The following PCDHA12 variants were observed in gnomAD, a reference collection of about 807,000 sequenced individuals.
The protein encoded by PCDHA12 is protocadherin alpha-12.
A neutral mutation model predicts 60.0 loss-of-function variants in PCDHA12; 44 were observed. The observed-to-expected ratio is 0.73, with a 90% CI of 0.58 to 0.94. PCDHA12 has a LOEUF of 0.94. Ranked by LOEUF, PCDHA12 falls within the 40% of genes least tolerant of loss-of-function variation. The pLI is 0.00. For missense variants in PCDHA12, 1,276 were observed against 1,239.7 expected, an observed-to-expected ratio of 1.03 and a Z score of -0.44; for synonymous variants, 569 against 553.0, an observed-to-expected ratio of 1.03 and a Z score of -0.40.
intron 1 of PCDHA12, chr5:140,968,472 T>C (rs1554230782): frequency 6.2e-7 from 1 of 1,614,130 alleles, no homozygotes; most frequent in Non-Finnish European, 8.5e-7. Context: ...AACGTATATG[T>C]GGTGGACATG....
At chr5:140,958,442 T>C (rs1554223476) in intron 1 of PCDHA12, among the ~76,000 whole-genome samples, 1 of 152,178 alleles carries the variant, frequency 6.6e-6, no homozygotes, top group Non-Finnish European at 1.5e-5. Flanking sequence ...AATTTAAAAA[T>C]ACCTTTTATT....
At chr5:140,925,513 A>G (rs2082534793) in intron 1 of PCDHA12, among the ~76,000 whole-genome samples, 1 of 152,104 alleles carries the variant, frequency 6.6e-6, no homozygotes, top group South Asian at 2.1e-4. Flanking sequence ...CACGCAAAAG[A>G]CCAAATTAAA....
chr5:140,928,821 C>A (rs2085565750), intron 1 of PCDHA12: 3 of 1,614,142 alleles, frequency 1.9e-6, no homozygotes, highest in Non-Finnish European at 2.5e-6. Context: ...ACCATGGAGA[C>A]CCACCACTTT....
intron 1 of PCDHA12, among the ~76,000 whole-genome samples, chr5:140,965,427 G>A (rs1336088571): frequency 6.6e-6 from 1 of 152,104 alleles, no homozygotes; most frequent in Non-Finnish European, 1.5e-5. Flanking sequence ...AAGATAAGCT[G>A]CAGTCATTGA....
chr5:140,938,062 A>G (rs2091901426), intron 1 of PCDHA12, among the ~76,000 whole-genome samples: 1 of 152,176 alleles, frequency 6.6e-6, no homozygotes, highest in Non-Finnish European at 1.5e-5. Context: ...ATATACTGTC[A>G]TGCTATTCCC....
chr5:140,921,721 C>A (rs2080351320), intron 1 of PCDHA12, among the ~76,000 whole-genome samples: 2 of 152,068 alleles, frequency 1.3e-5, no homozygotes, highest in African/African-American at 4.8e-5. Context: ...ACACGAATTA[C>A]TCCCATAAAA....
At chr5:140,988,672 G>A (rs1269904309) in intron 3 of PCDHA12, among the ~76,000 whole-genome samples, 1 of 152,180 alleles carries the variant, frequency 6.6e-6, no homozygotes, top group Non-Finnish European at 1.5e-5. Context: ...TAGACTCTAA[G>A]ATAATTCTTT....
chr5:140,909,491 A>G (rs1031839388), intron 1 of PCDHA12, among the ~76,000 whole-genome samples: 5 of 152,218 alleles, frequency 3.3e-5, no homozygotes, highest in Non-Finnish European at 7.3e-5. Context: ...GGAGAGCTGA[A>G]CGGGGATGTG....
At chr5:140,963,714 A>G (rs1554226741) in intron 1 of PCDHA12, among the ~76,000 whole-genome samples, 2 of 152,260 alleles carry the variant, frequency 1.3e-5, no homozygotes, top group Admixed American at 6.5e-5. Context: ...GCCATGCTAC[A>G]TATAGACTGC....
At chr5:140,994,387 C>G (rs192635308) in intron 3 of PCDHA12, among the ~76,000 whole-genome samples, 1 of 152,174 alleles carries the variant, frequency 6.6e-6, no homozygotes, top group South Asian at 2.1e-4. Context: ...GGGACTAAGT[C>G]AGAGATTATT....
At chr5:140,882,988 G>A (rs782434208) in intron 1 of PCDHA12, 4 of 1,614,080 alleles carry the variant, frequency 2.5e-6, no homozygotes, top group Non-Finnish European at 3.4e-6. Context: ...ACAACGCCCC[G>A]GAATTTTACC....
chr5:140,972,287 G>T (rs2096528818), intron 1 of PCDHA12, among the ~76,000 whole-genome samples: 1 of 151,036 alleles, frequency 6.6e-6, no homozygotes, highest in Non-Finnish European at 1.5e-5. Flanking sequence ...CCATAGATGT[G>T]CGCCACCGTG....
intron 3 of PCDHA12, among the ~76,000 whole-genome samples, chr5:140,985,740 T>C (rs992695405): frequency 1.9e-5 from 1 of 53,688 alleles, no homozygotes; most frequent in Admixed American, 1.9e-4. Context: ...GATGAATTCC[T>C]TTTTTTTTTT....
At chr5:140,913,789 T>C (rs2076466373) in intron 1 of PCDHA12, among the ~76,000 whole-genome samples, 1 of 152,176 alleles carries the variant, frequency 6.6e-6, no homozygotes, top group African/African-American at 2.4e-5. Context: ...CCATTATCAT[T>C]TGTTTGAATC....
At chr5:140,964,566 G>A (rs2095840528) in intron 1 of PCDHA12, among the ~76,000 whole-genome samples, 1 of 152,168 alleles carries the variant, frequency 6.6e-6, no homozygotes, top group Non-Finnish European at 1.5e-5. Context: ...GGGCTGGGAG[G>A]AGATAAGGGG....
At chr5:140,951,343 G>C (rs2094573680) in intron 1 of PCDHA12, among the ~76,000 whole-genome samples, 1 of 151,988 alleles carries the variant, frequency 6.6e-6, no homozygotes, top group South Asian at 2.1e-4. Flanking sequence ...GTTTGTGTTA[G>C]TCCATTATTG....
chr5:140,877,987 C>A (rs1290531354), intron 1 of PCDHA12, 148 bp downstream of exon 1: 13 of 1,151,196 alleles, frequency 1.1e-5, no homozygotes, highest in African/African-American at 3.1e-5. Context: ...TCATTTTGAA[C>A]TTTTATGTAT....
chr5:140,876,020 A>G lies in PCDHA12; in HGVS notation c.548A>G (p.Lys183Arg). Reference protein sequence around the residue: ...SLNENFELKIKTKKDKSILPE... With the variant: ...SLNENFELKIRTKKDKSILPE... The stretch of plus-strand genomic sequence containing the variant: ...AATGAGAATTTTGAGCTTAAAATAA[A>G]AACAAAAAAAGATAAAAGTATATTG... Residue 183 changes from lysine (K) to arginine (R), a missense_variant, in exon 1 of 4, where the codon AAA becomes AGA. Coordinates refer to ENST00000398631, the MANE Select transcript of PCDHA12 (RefSeq NM_018903.4). 2 of 1,613,802 alleles carry G rather than the reference A, an allele frequency of 1.2e-6. No individual in the cohort carries two copies. Among genetic ancestry groups the G allele is most frequent in the South Asian group, 1.1e-5 (1 of 91,046 alleles).
chr5:140,975,686 A>G (rs558112597), intron 1 of PCDHA12, among the ~76,000 whole-genome samples: 1 of 152,328 alleles, frequency 6.6e-6, no homozygotes, highest in East Asian at 1.9e-4. Flanking sequence ...AAAATAGGGT[A>G]TTTTAAACTT....
Sources: allele counts gnomAD v4.1 joint callset (sites outside exome capture counted in the v4.1 genomes callset), GRCh38; gene constraint gnomAD v4.1.1; transcripts MANE v1.5; gene names NCBI Gene and HGNC (gene_info 2026-07-23, HGNC 2026-07-21).